RARB: variants seen among roughly 807,000 people sequenced by gnomAD.
The protein encoded by RARB is retinoic acid receptor beta.
A neutral mutation model predicts 51.9 loss-of-function variants in RARB; 17 were observed. The observed-to-expected ratio is 0.33, with a 90% CI of 0.22 to 0.49. The LOEUF (loss-of-function observed/expected upper bound fraction) is 0.49. RARB is among the 20% of genes least tolerant of loss of function. RARB has a pLI of 0.99. For synonymous variants in RARB, 215 were observed against 195.4 expected (o/e 1.10, Z -0.84); for missense variants, 369 against 550.8 (o/e 0.67, Z 3.30).
At chr3:25,060,439 T>C (rs2125303674) in intron 3 of RARB, among the ~76,000 whole-genome samples, 1 of 151,876 alleles carries the variant, frequency 6.6e-6, no homozygotes, top group East Asian at 1.9e-4. Context: ...GAGCAGAGGG[T>C]TGCAAACTAT....
At chr3:25,182,424 G>T (rs1173802375) in intron 5 of RARB, among the ~76,000 whole-genome samples, 1 of 152,180 alleles carries the variant, frequency 6.6e-6, no homozygotes, top group Non-Finnish European at 1.5e-5. Flanking sequence ...TCCTGTCTTG[G>T]AAGGCATATG....
chr3:25,445,852 T>C lies in RARB; in HGVS notation c.158-15341T>C, dbSNP rs111421369. Among the ~76,000 whole-genome samples the C allele has an allele frequency of 6.0e-3, 920 of 152,264 alleles. 6 individuals carry two copies. The highest frequency in any genetic ancestry group is 0.021 in the African/African-American group (864 of 41,548). On this transcript the variant is annotated intron_variant, in intron 1 of 7. Coordinates refer to ENST00000330688, the MANE Select transcript of RARB (RefSeq NM_000965.5). ...GCTGGGAACAGTTACAACTGAAATA[T>C]TAAATGGGACATGAAATATTAAGTG...
At position 24,882,831 on chromosome 3, in the gene RARB, C is replaced by T. The variant is rs571047918; in HGVS notation, c.-380+24079C>T. 1.6e-4 allele frequency among the ~76,000 whole-genome samples: 25 copies of T among 152,272 alleles called. No homozygotes were observed. In the South Asian group the frequency reaches 3.5e-3, roughly 21 times the overall value. The stretch of plus-strand genomic sequence containing the variant: ...TGTGCTTAACCAGCATGGGAAATCC[C>T]GTTCTCCTAACCCATGATTGGTTGA... On this transcript the variant is annotated intron_variant, in intron 2 of 11. Coordinates refer to the RARB transcript ENST00000383772.
At chr3:24,931,470 C>T (rs1050388275) in intron 2 of RARB, among the ~76,000 whole-genome samples, 1 of 152,000 alleles carries the variant, frequency 6.6e-6, no homozygotes, top group Non-Finnish European at 1.5e-5. Context: ...CCTCAGTGCT[C>T]TTTACTTCCC....
intron 5 of RARB, among the ~76,000 whole-genome samples, chr3:25,269,296 C>T (rs1703196867): frequency 1.4e-4 from 21 of 152,028 alleles, no homozygotes; most frequent in Admixed American, 1.4e-3. Flanking sequence ...GAGCAATAAC[C>T]TATTATTTAT....
At chr3:24,835,546 T>G (rs1190730284) in intron 1 of RARB, among the ~76,000 whole-genome samples, 1 of 152,174 alleles carries the variant, frequency 6.6e-6, no homozygotes, top group Non-Finnish European at 1.5e-5. Context: ...CATTTATTAC[T>G]CACACCCAGT....
At chr3:25,337,523 T>C (rs949730648) in intron 5 of RARB, among the ~76,000 whole-genome samples, 2 of 152,196 alleles carry the variant, frequency 1.3e-5, no homozygotes, top group African/African-American at 2.4e-5. Context: ...AACTTCTTAA[T>C]GTGTCTGAAA....
intron 5 of RARB, among the ~76,000 whole-genome samples, chr3:25,197,046 T>C (rs1701259775): frequency 6.6e-6 from 1 of 152,196 alleles, no homozygotes; most frequent in South Asian, 2.1e-4. Context: ...TAGTTTCTTT[T>C]GCCGTTCAGA....
At chr3:24,909,503 G>A (rs576943775) in intron 2 of RARB, among the ~76,000 whole-genome samples, 6 of 151,840 alleles carry the variant, frequency 4.0e-5, no homozygotes, top group African/African-American at 1.2e-4. Context: ...GTTCCTCCTC[G>A]TGACTCAGTA....
chr3:25,313,117 A>G (rs1430674565), intron 5 of RARB, among the ~76,000 whole-genome samples: 1 of 152,180 alleles, frequency 6.6e-6, no homozygotes, highest in East Asian at 1.9e-4. Context: ...GGTGGAATGT[A>G]GTGGATATCT....
At chr3:24,980,801 C>T (rs1293457478) in intron 2 of RARB, among the ~76,000 whole-genome samples, 1 of 152,138 alleles carries the variant, frequency 6.6e-6, no homozygotes, top group Non-Finnish European at 1.5e-5. Context: ...CAGTTTTGTT[C>T]CCTTGCTGGA....
intron 4 of RARB, among the ~76,000 whole-genome samples, chr3:25,160,259 A>G (rs1424469803): frequency 1.3e-5 from 2 of 152,226 alleles, no homozygotes; most frequent in Non-Finnish European, 2.9e-5. Flanking sequence ...CAAAGTGGAG[A>G]AAGCGAAATA....
At chr3:25,029,403 A>C (rs1697823428) in intron 2 of RARB, among the ~76,000 whole-genome samples, 1 of 152,210 alleles carries the variant, frequency 6.6e-6, no homozygotes, top group African/African-American at 2.4e-5. Context: ...AGGATAAATA[A>C]ATTGAGTGAA....
intron 2 of RARB, among the ~76,000 whole-genome samples, chr3:24,888,104 A>G (rs954438920): frequency 6.6e-6 from 1 of 152,178 alleles, no homozygotes; most frequent in African/African-American, 2.4e-5. Context: ...GGATAAAAAA[A>G]CCTACACTTG....
At chr3:25,352,534 A>T (rs576062925) in intron 5 of RARB, 30 of 152,282 alleles carry the variant, frequency 2.0e-4, no homozygotes, top group Non-Finnish European at 3.5e-4. Flanking sequence ...ATTACTCCTT[A>T]GATTTTTGTA....
intron 5 of RARB, among the ~76,000 whole-genome samples, chr3:25,414,185 T>C (rs558575741): frequency 2.6e-5 from 4 of 152,368 alleles, no homozygotes; most frequent in Non-Finnish European, 5.9e-5. Flanking sequence ...GCTACTATTG[T>C]ATCCATCTTC....
At chr3:25,260,214 G>A (rs900646412) in intron 5 of RARB, among the ~76,000 whole-genome samples, 3 of 152,164 alleles carry the variant, frequency 2.0e-5, no homozygotes, top group Non-Finnish European at 2.9e-5. Flanking sequence ...GGAAGACAGT[G>A]AGTGCAAGAA....
chr3:24,832,168 C>T (rs1050725664), intron 1 of RARB, among the ~76,000 whole-genome samples: 1 of 152,072 alleles, frequency 6.6e-6, no homozygotes, highest in Non-Finnish European at 1.5e-5. Flanking sequence ...AAAATGCCAG[C>T]AAAACAGCTG....
At chr3:25,020,218 G>T (rs1432557237) in intron 2 of RARB, 1 of 151,574 alleles carries the variant, frequency 6.6e-6, no homozygotes, top group Non-Finnish European at 1.5e-5. Flanking sequence ...GCTTTTCACA[G>T]GCATGATCCC....
Sources: allele counts gnomAD v4.1 joint callset (sites outside exome capture counted in the v4.1 genomes callset), GRCh38; gene constraint gnomAD v4.1.1; transcripts MANE v1.5; gene names NCBI Gene and HGNC (gene_info 2026-07-23, HGNC 2026-07-21).